Variants in CCDC34 observed in about 807,000 individuals in gnomAD.
CCDC34 encodes the protein coiled-coil domain containing 34.
A neutral mutation model predicts 44.1 loss-of-function variants in CCDC34; 40 were observed. The observed-to-expected ratio is 0.91, with a 90% CI of 0.70 to 1.18. The LOEUF (loss-of-function observed/expected upper bound fraction) is 1.18, where lower values mean the gene tolerates loss of function less well. Among genes scored for constraint, CCDC34 ranks in the 50% most tolerant of loss-of-function variants. The pLI is 0.00. For synonymous variants in CCDC34, 159 were observed against 158.2 expected (o/e 1.01, Z -0.04); for missense variants, 466 against 452.3 (o/e 1.03, Z -0.28).
chr11:27,340,710 T>A lies in CCDC34; in HGVS notation c.893A>T (p.Asn298Ile). 1 of 1,606,776 alleles carries A rather than the reference T, an allele frequency of 6.2e-7. No homozygotes were observed. The highest frequency in any genetic ancestry group is 8.5e-7 in the Non-Finnish European group (1 of 1,177,298). Residue 298 changes from asparagine (N) to isoleucine (I), a missense_variant, in exon 5 of 6, where the codon AAT (asparagine) becomes ATT (isoleucine). Asn to Ile is a moderately radical substitution (Grantham distance 149). Coordinates refer to ENST00000328697, the MANE Select transcript of CCDC34 (RefSeq NM_030771.2). Reference protein sequence around the residue: ...RPAAKSYGYANGKLTGFYSGN... With the variant: ...RPAAKSYGYAIGKLTGFYSGN... ...TAAAAACCAACCTGTAAGTTTTCCA[T>A]TGGCATAACCATAGCTCTTTGCAGC...
At chr11:27,344,192 AAC>A in intron 3 of CCDC34, among the ~76,000 whole-genome samples, 1 of 152,204 alleles carries the variant, frequency 6.6e-6, no homozygotes, top group East Asian at 1.9e-4. Flanking sequence ...ATGATTTTAG[AAC>A]ACAGAGAAAA....
chr11:27,344,629 C>A (rs1228358094), intron 3 of CCDC34, among the ~76,000 whole-genome samples: 1 of 151,472 alleles, frequency 6.6e-6, no homozygotes, highest in East Asian at 1.9e-4. Context: ...ATATATTTAA[C>A]AAAATACTGC....
At chr11:27,349,287 A>C (rs1428554785) in intron 3 of CCDC34, 4 of 919,344 alleles carry the variant, frequency 4.4e-6, no homozygotes, top group Middle Eastern at 5.5e-4. Context: ...CTTTCATGTT[A>C]TATCATGGGA....
At chr11:27,353,469 A>C (rs2133346669) in intron 2 of CCDC34, among the ~76,000 whole-genome samples, 1 of 152,186 alleles carries the variant, frequency 6.6e-6, no homozygotes, top group South Asian at 2.1e-4. Flanking sequence ...AATTATTTAT[A>C]ATAATTAAAA....
chr11:27,363,089 G>C lies in CCDC34; in HGVS notation c.106C>G (p.Pro36Ala), dbSNP rs758436727. ...CCCTGCCCACGTGCGCCCGTCATAGGGACTGAGCAGGAGTCCGAGGAGGGC... is the reference window on the plus strand; with the variant it reads ...CCCTGCCCACGTGCGCCCGTCATAGCGACTGAGCAGGAGTCCGAGGAGGGC... ...SRPSSDSCSV[P>A]MTGARGQGLE... The change falls in exon 1 of 6, where the codon CCT (proline) becomes GCT (alanine). Residue 36 changes from proline to alanine, a missense_variant. Coordinates refer to ENST00000328697, the MANE Select transcript of CCDC34 (RefSeq NM_030771.2). 6.2e-7 allele frequency: 1 copy of C among 1,609,074 alleles called. No homozygotes were observed. The highest frequency in any genetic ancestry group is 8.5e-7 in the Non-Finnish European group (1 of 1,177,534).
chr11:27,354,909 GTCTC>G, intron 2 of CCDC34, among the ~76,000 whole-genome samples: 1 of 152,188 alleles, frequency 6.6e-6, no homozygotes, highest in East Asian at 1.9e-4. Flanking sequence ...CTCCACTATT[GTCTC>G]TCTAACATCT....
intron 3 of CCDC34, chr11:27,349,394 G>A: frequency 1.2e-6 from 1 of 834,194 alleles, no homozygotes; most frequent in South Asian, 5.5e-5. Flanking sequence ...TATAATACTT[G>A]GATGAAGAAG....
chr11:27,347,008 C>A (rs77598968), intron 3 of CCDC34, among the ~76,000 whole-genome samples: 10 of 152,122 alleles, frequency 6.6e-5, no homozygotes, highest in African/African-American at 2.4e-4. Flanking sequence ...TTTCCAGTCT[C>A]CAGAACTGTG....
chr11:27,359,558 CG>C (rs1862631250), intron 1 of CCDC34, among the ~76,000 whole-genome samples: 2 of 151,774 alleles, frequency 1.3e-5, no homozygotes, highest in Admixed American at 6.6e-5. Context: ...GCGCGATCTC[CG>C]CTCACTGCAA....
chr11:27,343,216 C>T (rs1049615401), intron 3 of CCDC34, among the ~76,000 whole-genome samples: 5 of 152,032 alleles, frequency 3.3e-5, no homozygotes, highest in African/African-American at 4.8e-5. Flanking sequence ...GGCTGGCCAA[C>T]GTGGTGAAAC....
chr11:27,343,173 G>T (rs1224817586), intron 3 of CCDC34, among the ~76,000 whole-genome samples: 1 of 152,170 alleles, frequency 6.6e-6, no homozygotes, highest in African/African-American at 2.4e-5. Context: ...GGCCAAGGCA[G>T]GTGGATCACC....
In CCDC34 at chr11:27,341,390, A is replaced by G; in HGVS notation, c.765+2T>C. Reference sequence around the variant, plus strand: ...TCTAACTGGTCACTTTAATAAAAATACCTTTTCTTTCTTCTTCCTCTCACA... The same window carrying G: ...TCTAACTGGTCACTTTAATAAAAATGCCTTTTCTTTCTTCTTCCTCTCACA... On this transcript the variant is annotated splice_donor_variant, in intron 4 of 5. Coordinates refer to ENST00000328697, the MANE Select transcript of CCDC34 (RefSeq NM_030771.2). LOFTEE classifies it high-confidence loss of function. 7.1e-7 allele frequency: 1 copy of G among 1,414,032 alleles called. No individual in the cohort carries two copies. The highest frequency in any genetic ancestry group is 9.6e-7 in the Non-Finnish European group (1 of 1,037,770). The allele number at this position is 1,414,032 out of a possible 1,614,324, so 87.6% of individuals were successfully genotyped here.
At chr11:27,348,930 A>G (rs1862469255) in intron 3 of CCDC34, 32 of 985,104 alleles carry the variant, frequency 3.2e-5, no homozygotes, top group Non-Finnish European at 3.9e-5. Flanking sequence ...TTTGCCTTCA[A>G]TAACTAGTGA....
At chr11:27,359,144 T>C (rs529384477) in intron 1 of CCDC34, among the ~76,000 whole-genome samples, 1 of 151,424 alleles carries the variant, frequency 6.6e-6, no homozygotes, top group East Asian at 1.9e-4. Flanking sequence ...ATCCCTCAAA[T>C]GTTATCTTTC....
At chr11:27,339,056 G>A (rs768689531) in intron 5 of CCDC34, 21 bp from the exon 6 acceptor site, 54 of 1,566,790 alleles carry the variant, frequency 3.4e-5, no homozygotes, top group Middle Eastern at 3.4e-4. Context: ...TGAAAAATCA[G>A]ATCAAAACAA....
chr11:27,362,879 T>C lies in CCDC34; in HGVS notation c.316A>G (p.Lys106Glu), dbSNP rs772760331. Residue 106 changes from lysine to glutamate, a missense_variant, in exon 1 of 6, where the codon AAA becomes GAA. Transcript: ENST00000328697. ...VDEDAHDSEAKVASLRGMELQ... is the reference protein window; with the variant it reads ...VDEDAHDSEAEVASLRGMELQ... ...TCCATTCCTCTCAGGCTCGCCACTT[T>C]GGCCTCTGAATCATGGGCATCTTCA... 7.4e-6 allele frequency: 12 copies of C among 1,613,964 alleles called. No individual in the cohort carries two copies. Among genetic ancestry groups the C allele is most frequent in the South Asian group, 2.2e-5 (2 of 91,086 alleles).
At chr11:27,356,570 G>C (rs944031554) in intron 2 of CCDC34, among the ~76,000 whole-genome samples, 2 of 151,862 alleles carry the variant, frequency 1.3e-5, no homozygotes, top group Non-Finnish European at 2.9e-5. Context: ...GAAGAATTCA[G>C]ATAGTCTAGA....
intron 2 of CCDC34, 119 bp downstream of exon 2, chr11:27,357,284 A>T (rs892752280): frequency 2.2e-6 from 2 of 916,244 alleles, no homozygotes; most frequent in Non-Finnish European, 3.2e-6. Flanking sequence ...GATATAGTAA[A>T]CTAACATAAA....
intron 2 of CCDC34, 114 bp from the exon 3 acceptor site, chr11:27,350,553 G>A (rs1213008679): frequency 2.0e-6 from 2 of 983,060 alleles, no homozygotes; most frequent in African/African-American, 1.6e-5. Context: ...TTCCTTTATG[G>A]AGCATATGCC....
Sources: allele counts gnomAD v4.1 joint callset (sites outside exome capture counted in the v4.1 genomes callset), GRCh38; gene constraint gnomAD v4.1.1; transcripts MANE v1.5; gene names NCBI Gene and HGNC (gene_info 2026-07-23, HGNC 2026-07-21).